ADK: variants seen among roughly 807,000 people sequenced by gnomAD.
The protein encoded by ADK is adenosine kinase, also known as N6,N6-dimethyladenosine kinase.
Under a neutral mutation model 44.7 loss-of-function variants are expected in ADK, and 24 were observed. The ratio of observed to expected loss-of-function variants is 0.54; its 90% CI spans 0.39 to 0.76. ADK has a LOEUF of 0.76. Among genes scored for constraint, ADK ranks in the 30% least tolerant of loss-of-function variants. The pLI is 0.00. For missense variants in ADK, 321 were observed against 425.1 expected (o/e 0.76, Z 2.15); for synonymous variants, 128 against 142.6 (o/e 0.90, Z 0.73).
intron 6 of ADK, among the ~76,000 whole-genome samples, chr10:74,418,844 G>C (rs773729403): frequency 6.6e-6 from 1 of 152,144 alleles, no homozygotes; most frequent in Non-Finnish European, 1.5e-5. Context: ...CTTCAGCCCT[G>C]TTGAATAAAA....
chr10:74,509,760 A>G (rs868702032), intron 6 of ADK, among the ~76,000 whole-genome samples: 6 of 151,930 alleles, frequency 3.9e-5, no homozygotes, highest in African/African-American at 4.8e-5. Context: ...CCAGCCTCCA[A>G]TATCCTCTGT....
rs533398693 is a variant in ADK, at chr10:74,524,614, A to G, written c.556-642A>G. Among the ~76,000 whole-genome samples the G allele has an allele frequency of 5.3e-5, 8 of 152,270 alleles. No homozygotes were observed. The South Asian group carries it at 1.5e-3, about 28-fold the overall frequency. On this transcript the variant is annotated intron_variant, in intron 6 of 10. Coordinates refer to ENST00000539909, the MANE Select transcript of ADK (RefSeq NM_006721.4). ...CGCCATGTTGCCCAAGCTGGTTTGG[A>G]ACTCCTAGACTCAAGTGATTGGCCC...
chr10:74,187,270 T>G lies in ADK; in HGVS notation c.66-13494T>G, dbSNP rs532435894. ...AATATTATCACTGAATAATATTTCA[T>G]TGTATAGATATGCCACAATTTATCC... On this transcript the variant is annotated intron_variant, in intron 1 of 10. Transcript: ENST00000539909. 2.6e-5 allele frequency among the ~76,000 whole-genome samples: 4 copies of G among 152,352 alleles called. No individual in the cohort carries two copies. The South Asian group carries it at 8.3e-4, about 32-fold the overall frequency.
intron 9 of ADK, among the ~76,000 whole-genome samples, chr10:74,601,466 C>T (rs970361936): frequency 2.0e-5 from 3 of 151,924 alleles, no homozygotes; most frequent in Non-Finnish European, 4.4e-5. Context: ...GATCAACTTT[C>T]TTATTTCAGA....
intron 4 of ADK, among the ~76,000 whole-genome samples, chr10:74,383,719 A>G (rs1374057395): frequency 6.6e-6 from 1 of 151,998 alleles, no homozygotes; most frequent in Non-Finnish European, 1.5e-5. Flanking sequence ...TAGGACAAAA[A>G]GGGGTATGAA....
intron 4 of ADK, among the ~76,000 whole-genome samples, chr10:74,384,090 C>A (rs138332818): frequency 6.6e-6 from 1 of 152,216 alleles, no homozygotes; most frequent in East Asian, 1.9e-4. Context: ...TGCAACAACT[C>A]CTATTATATA....
Position 74,566,170 on chromosome 10 carries a change from G to T in ADK, c.727-23112G>T, listed in dbSNP as rs113960968. 2.6e-3 allele frequency among the ~76,000 whole-genome samples: 385 copies of T among 148,074 alleles called. 3 individuals are homozygous for T. The highest frequency in any genetic ancestry group is 9.2e-3 in the African/African-American group (368 of 40,178). ...ATGTTCTTTCTCTCCTTCACATCTG[G>T]CCTCTTCATGTTTTTATTTTCTCTC... On this transcript the variant is annotated intron_variant, in intron 7 of 10. Coordinates refer to ENST00000539909, the MANE Select transcript of ADK (RefSeq NM_006721.4).
intron 7 of ADK, among the ~76,000 whole-genome samples, chr10:74,558,367 AT>A (rs1347524353): frequency 6.6e-6 from 1 of 151,890 alleles, no homozygotes; most frequent in East Asian, 1.9e-4. Flanking sequence ...CCAGCTCATC[AT>A]TTTCTATCTG....
At chr10:74,282,618 T>C (rs921360721) in intron 3 of ADK, among the ~76,000 whole-genome samples, 2 of 152,234 alleles carry the variant, frequency 1.3e-5, no homozygotes, top group Admixed American at 1.3e-4. Context: ...TGCATAGTAA[T>C]GAGAATAACC....
chr10:74,533,213 A>G (rs1230767135), intron 7 of ADK, among the ~76,000 whole-genome samples: 4 of 152,220 alleles, frequency 2.6e-5, no homozygotes, highest in African/African-American at 9.6e-5. Context: ...ATTGTTAAAT[A>G]TAAATTCTAC....
intron 7 of ADK, among the ~76,000 whole-genome samples, chr10:74,571,412 T>G (rs1850955690): frequency 6.6e-6 from 1 of 152,226 alleles, no homozygotes; most frequent in African/African-American, 2.4e-5. Context: ...TGAATCCATC[T>G]GGTCCTGGAC....
chr10:74,662,861 A>G (rs913731901), intron 9 of ADK, among the ~76,000 whole-genome samples: 2 of 152,068 alleles, frequency 1.3e-5, no homozygotes, highest in African/African-American at 4.8e-5. Flanking sequence ...AGTAATACCT[A>G]TGTAAATTAA....
chr10:74,195,921 C>T (rs1843130091), intron 1 of ADK, among the ~76,000 whole-genome samples: 1 of 151,764 alleles, frequency 6.6e-6, no homozygotes, highest in Admixed American at 6.6e-5. Flanking sequence ...AGGCAATGCG[C>T]CCGCCTCAGC....
intron 1 of ADK, among the ~76,000 whole-genome samples, chr10:74,181,859 G>A (rs1267203004): frequency 1.3e-5 from 2 of 152,222 alleles, no homozygotes; most frequent in Admixed American, 6.5e-5. Context: ...AGGAAATGGA[G>A]TTGGGGAATA....
intron 7 of ADK, among the ~76,000 whole-genome samples, chr10:74,539,872 A>C (rs1319369270): frequency 6.6e-6 from 1 of 152,184 alleles, no homozygotes; most frequent in Non-Finnish European, 1.5e-5. Context: ...TCATCTGAAA[A>C]AAGTGAGATT....
chr10:74,420,219 A>G lies in ADK; in HGVS notation c.555+21640A>G, dbSNP rs139106042. 3.2e-3 allele frequency among the ~76,000 whole-genome samples: 486 copies of G among 152,264 alleles called. 6 individuals carry two copies. Among genetic ancestry groups the G allele is most frequent in the African/African-American group, 0.011 (457 of 41,566 alleles). On this transcript the variant is annotated intron_variant, in intron 6 of 10. Transcript: ENST00000539909. ...GTAGACTTAGCACACTATTAATTGT[A>G]AATAAAATGGAAACTTTCGTACTCT... is the stretch of plus-strand genomic sequence containing the variant.
intron 6 of ADK, among the ~76,000 whole-genome samples, chr10:74,431,692 G>A (rs549108334): frequency 4.5e-4 from 68 of 152,244 alleles, no homozygotes; most frequent in Non-Finnish European, 7.6e-4. Flanking sequence ...AGTGAGCCTA[G>A]ATTGTGCCAC....
intron 2 of ADK, among the ~76,000 whole-genome samples, chr10:74,217,064 G>C (rs1236335560): frequency 1.3e-5 from 2 of 152,220 alleles, no homozygotes; most frequent in African/African-American, 2.4e-5. Context: ...AGCAGGGCGA[G>C]GCATTGCCTC....
At chr10:74,406,330 C>G (rs1843923559) in intron 6 of ADK, among the ~76,000 whole-genome samples, 1 of 151,894 alleles carries the variant, frequency 6.6e-6, no homozygotes, top group South Asian at 2.1e-4. Context: ...CTTTTAACCT[C>G]CTTTATCTGC....
Sources: allele counts gnomAD v4.1 joint callset (sites outside exome capture counted in the v4.1 genomes callset), GRCh38; gene constraint gnomAD v4.1.1; transcripts MANE v1.5; gene names NCBI Gene and HGNC (gene_info 2026-07-23, HGNC 2026-07-21).